Variants in PCBP3 observed in about 807,000 individuals in gnomAD.
The protein encoded by PCBP3 is poly(rC)-binding protein 3.
A neutral mutation model predicts 52.7 loss-of-function variants in PCBP3; 25 were observed. The ratio of observed to expected loss-of-function variants is 0.47; its 90% confidence interval spans 0.35 to 0.66. PCBP3 has a LOEUF of 0.66. Among genes scored for constraint, PCBP3 ranks in the 30% least tolerant of loss-of-function variants. The pLI, the probability that PCBP3 is intolerant of heterozygous loss-of-function variation, is 0.01. For synonymous variants in PCBP3, 162 were observed against 183.0 expected (o/e 0.89, Z 0.93); for missense variants, 391 against 490.3 (o/e 0.80, Z 1.91).
At chr21:45,900,544 A>C in intron 7 of PCBP3, 47 bp from the exon 8 acceptor site, 2 of 1,534,726 alleles carry the variant, frequency 1.3e-6, no homozygotes, top group Non-Finnish European at 1.8e-6. Flanking sequence ...CGCCGTCCTC[A>C]GAGCCAGAGG....
chr21:45,906,322 A>G (rs150443224), intron 9 of PCBP3, among the ~76,000 whole-genome samples: 3 of 151,790 alleles, frequency 2.0e-5, no homozygotes, highest in African/African-American at 4.8e-5. Context: ...GCAGATCAGT[A>G]TCTTGGTATC....
At chr21:45,740,326 C>G (rs1279392425) in intron 3 of PCBP3, among the ~76,000 whole-genome samples, 1 of 152,186 alleles carries the variant, frequency 6.6e-6, no homozygotes, top group Non-Finnish European at 1.5e-5. Flanking sequence ...CAGGTCACTT[C>G]TGTTAGCATC....
chr21:45,666,875 A>C (rs2080832606), intron 1 of PCBP3, among the ~76,000 whole-genome samples: 1 of 151,878 alleles, frequency 6.6e-6, no homozygotes, highest in South Asian at 2.1e-4. Flanking sequence ...TGCTGCTTTC[A>C]CAACTCTTTG....
At chr21:45,650,402 C>A (rs1172250391) in intron 1 of PCBP3, among the ~76,000 whole-genome samples, 2 of 152,110 alleles carry the variant, frequency 1.3e-5, no homozygotes, top group Non-Finnish European at 2.9e-5. Context: ...TCTTGTATCA[C>A]CCTTATTCAG....
At chr21:45,824,780 C>T (rs1235653220) in intron 4 of PCBP3, among the ~76,000 whole-genome samples, 3 of 152,176 alleles carry the variant, frequency 2.0e-5, no homozygotes, top group African/African-American at 2.4e-5. Context: ...CGGATTCACC[C>T]GCTGCTTTGC....
chr21:45,830,361 TG>T lies in PCBP3; in HGVS notation c.-125-19597del, dbSNP rs2093416546. On this transcript the variant is annotated intron_variant, in intron 4 of 17. Coordinates refer to ENST00000681687, the MANE Select transcript of PCBP3 (RefSeq NM_001384156.1). This position sits in a 1 kb window ranked among gnomAD's most constrained non-coding sequence, Gnocchi z 4.4. Reference sequence around the variant, plus strand: ...TAGGCCGCTCCTCTGAGCCCCTCCATGGGAGGATCGTGAACACATAGCCTTT... The same window carrying T: ...TAGGCCGCTCCTCTGAGCCCCTCCATGGAGGATCGTGAACACATAGCCTTT... The T allele has an allele frequency of 6.5e-6, 1 of 152,960 alleles. No homozygotes were observed. The highest frequency in any genetic ancestry group is 2.1e-4 in the South Asian group (1 of 4,832). The allele number at this position is 152,960 out of a possible 1,614,324, so 9.5% of individuals were successfully genotyped here.
At chr21:45,676,016 G>T (rs1220414503) in intron 2 of PCBP3, among the ~76,000 whole-genome samples, 1 of 152,196 alleles carries the variant, frequency 6.6e-6, no homozygotes, top group Non-Finnish European at 1.5e-5. Flanking sequence ...TTGAAAGTTT[G>T]CATAATGTAC....
At chr21:45,767,984 G>C (rs1303207669) in intron 4 of PCBP3, among the ~76,000 whole-genome samples, 1 of 152,258 alleles carries the variant, frequency 6.6e-6, no homozygotes, top group East Asian at 1.9e-4. Context: ...GTTTGAGAAG[G>C]ATGCCTGTAG....
intron 2 of PCBP3, among the ~76,000 whole-genome samples, chr21:45,730,206 T>C (rs2085351065): frequency 6.6e-6 from 1 of 151,996 alleles, no homozygotes; most frequent in Non-Finnish European, 1.5e-5. Context: ...GCCTCCCACA[T>C]ATTTTGATAT....
intron 1 of PCBP3, among the ~76,000 whole-genome samples, chr21:45,658,860 T>A (rs79965202): frequency 0.17 from 26,385 of 152,118 alleles, 2,903 homozygotes; most frequent in Non-Finnish European, 0.24. Context: ...TAGGTTTTTT[T>A]CAGATGTACT....
chr21:45,678,157 C>T (rs1025904746), intron 2 of PCBP3, among the ~76,000 whole-genome samples: 7 of 151,970 alleles, frequency 4.6e-5, no homozygotes, highest in South Asian at 2.1e-4. Context: ...CTGGCTAACA[C>T]GGTGAAACCC....
chr21:45,867,054 T>C (rs904442043), intron 5 of PCBP3, among the ~76,000 whole-genome samples: 9 of 152,226 alleles, frequency 5.9e-5, no homozygotes, highest in African/African-American at 2.2e-4. Context: ...ACATCGGTCA[T>C]TGAGGTATCT....
chr21:45,765,926 G>A (rs375514572), intron 4 of PCBP3, among the ~76,000 whole-genome samples: 1 of 152,210 alleles, frequency 6.6e-6, no homozygotes, highest in Non-Finnish European at 1.5e-5. Context: ...TCAAGTGGAC[G>A]CCTTCAGAAG....
intron 4 of PCBP3, among the ~76,000 whole-genome samples, chr21:45,846,101 G>A (rs570574769): frequency 9.8e-5 from 15 of 152,318 alleles, no homozygotes; most frequent in African/African-American, 2.9e-4. Flanking sequence ...GGGCGTGTGC[G>A]TGAGGTTGGA....
intron 5 of PCBP3, among the ~76,000 whole-genome samples, chr21:45,861,758 T>G (rs1325129670): frequency 6.6e-6 from 1 of 152,150 alleles, no homozygotes; most frequent in Non-Finnish European, 1.5e-5. Context: ...TTGTGCCTCC[T>G]TTGGCCCCAA....
chr21:45,906,861 G>T (rs1193537021), intron 9 of PCBP3, among the ~76,000 whole-genome samples: 1 of 152,238 alleles, frequency 6.6e-6, no homozygotes, highest in Non-Finnish European at 1.5e-5. Context: ...ACAGTTCAGG[G>T]CTGGAAAATA....
intron 4 of PCBP3, among the ~76,000 whole-genome samples, chr21:45,844,673 T>C (rs8133670): frequency 0.027 from 4,045 of 152,056 alleles, 192 homozygotes; most frequent in African/African-American, 0.091. Context: ...TGTGACAGAA[T>C]GGAGATAGTT....
chr21:45,888,623 C>T (rs1420165099), intron 5 of PCBP3, among the ~76,000 whole-genome samples: 1 of 152,244 alleles, frequency 6.6e-6, no homozygotes, highest in Non-Finnish European at 1.5e-5. Flanking sequence ...GCTTTCCTCC[C>T]GCCAGCCTCC....
intron 2 of PCBP3, among the ~76,000 whole-genome samples, chr21:45,726,428 T>TG (rs1380792922): frequency 6.6e-6 from 1 of 152,050 alleles, no homozygotes; most frequent in Non-Finnish European, 1.5e-5. Flanking sequence ...CAGAAGAGAC[T>TG]GGTGTGGTTG....
Sources: allele counts gnomAD v4.1 joint callset (sites outside exome capture counted in the v4.1 genomes callset), GRCh38; gene constraint gnomAD v4.1.1; non-coding constraint Gnocchi (gnomAD v3.1); transcripts MANE v1.5; gene names NCBI Gene and HGNC (gene_info 2026-07-23, HGNC 2026-07-21).